Variants in NHS observed in about 807,000 individuals in gnomAD.
The protein encoded by NHS is NHS actin remodeling regulator, also known as actin remodeling regulator NHS.
NHS carries 5 observed loss-of-function variants against 72.5 expected under a neutral mutation model. The observed-to-expected ratio is 0.07, with a 90% CI of 0.04 to 0.14. NHS has a LOEUF of 0.14. Ranked by LOEUF, NHS falls within the 10% of genes least tolerant of loss-of-function variation. NHS has a pLI of 1.00. For missense variants in NHS, 1,072 were observed against 1,355.7 expected (o/e 0.79, Z 3.29); for synonymous variants, 464 against 547.7 (o/e 0.85, Z 2.13).
intron 1 of NHS, among the ~76,000 whole-genome samples, chrX:17,574,682 C>T (rs774249948): frequency 4.5e-5 from 5 of 111,977 alleles, no homozygotes; most frequent in East Asian, 2.8e-4. Flanking sequence ...CATCCTGCTT[C>T]GGCTCACCCT....
intron 1 of NHS, among the ~76,000 whole-genome samples, chrX:17,665,358 T>G (rs1272122114): frequency 1.2e-5 from 1 of 84,347 alleles, no homozygotes; most frequent in African/African-American, 4.7e-5. Flanking sequence ...AGACGGAGTC[T>G]CGCTGTCGCC....
intron 1 of NHS, among the ~76,000 whole-genome samples, chrX:17,424,015 A>T (rs1389645260): frequency 8.9e-6 from 1 of 111,978 alleles, no homozygotes; most frequent in African/African-American, 3.3e-5. Flanking sequence ...ACCTCTGAAG[A>T]TCTTTTTGCT....
chrX:17,640,403 T>C (rs1046078990), intron 1 of NHS, among the ~76,000 whole-genome samples: 2 of 111,723 alleles, frequency 1.8e-5, no homozygotes, highest in African/African-American at 6.5e-5. Context: ...GCTCCTGAAA[T>C]GGCAGAAAGG....
intron 1 of NHS, among the ~76,000 whole-genome samples, chrX:17,443,748 A>G (rs1385506963): frequency 3.6e-5 from 4 of 112,183 alleles, no homozygotes; most frequent in Non-Finnish European, 7.5e-5. Flanking sequence ...TTGAAACCAC[A>G]TTTTTATACG....
At chrX:17,463,295 TA>T (rs1215839930) in intron 1 of NHS, among the ~76,000 whole-genome samples, 1 of 110,354 alleles carries the variant, frequency 9.1e-6, no homozygotes, top group Admixed American at 9.7e-5. Context: ...AAATAGCCCA[TA>T]AAAAGCACCA....
intron 1 of NHS, among the ~76,000 whole-genome samples, chrX:17,505,442 C>T (rs2146926946): frequency 9.0e-6 from 1 of 111,499 alleles, no homozygotes; most frequent in South Asian, 3.8e-4. Flanking sequence ...AACCTTCTTC[C>T]TTCCAACCTG....
chrX:17,411,267 G>A (rs768956639), intron 1 of NHS, among the ~76,000 whole-genome samples: 5 of 111,676 alleles, frequency 4.5e-5, no homozygotes, highest in African/African-American at 1.6e-4. Flanking sequence ...GATTTCTTAC[G>A]TAGCTATAAT....
rs2066406785 is a variant in NHS at position 17,721,599 on chromosome X, G to T, written c.1074G>T (p.Val358=). 8.3e-7 allele frequency: 1 copy of T among 1,209,499 alleles called. No homozygotes were observed. Among genetic ancestry groups the T allele is most frequent in the South Asian group, 1.8e-5 (1 of 56,744 alleles). ...PEEKMKQDAQ[V]ISSCIIPINV... ...AGAAGATGAAACAAGATGCCCAAGT[G>T]ATTTCTTCTTGCATTATTCCCATCA... The change falls in exon 5 of 9, where the codon GTG becomes GTT. Residue 358 remains valine (V), a synonymous_variant. Transcript: ENST00000676302.
intron 1 of NHS, among the ~76,000 whole-genome samples, chrX:17,417,625 A>G (rs1017770000): frequency 9.8e-5 from 11 of 112,251 alleles, no homozygotes; most frequent in Non-Finnish European, 1.5e-4. Flanking sequence ...TAATTTTACT[A>G]ACTTATGGCC....
At chrX:17,447,471 A>G (rs2064786337) in intron 1 of NHS, among the ~76,000 whole-genome samples, 1 of 111,215 alleles carries the variant, frequency 9.0e-6, no homozygotes, top group Admixed American at 9.6e-5. Context: ...GCAGTTTTCT[A>G]ACTGAGGGCG....
intron 1 of NHS, among the ~76,000 whole-genome samples, chrX:17,589,623 C>A (rs1299327559): frequency 1.8e-5 from 2 of 109,326 alleles, no homozygotes; most frequent in Non-Finnish European, 3.8e-5. Flanking sequence ...TTTGCAATTG[C>A]GAATTGTGCT....
At chrX:17,608,725 G>A (rs768156471) in intron 1 of NHS, among the ~76,000 whole-genome samples, 1 of 109,436 alleles carries the variant, frequency 9.1e-6, no homozygotes. Flanking sequence ...AGCCCTTGTC[G>A]CTACAAAGCA....
At chrX:17,644,239 TC>T (rs1479618436) in intron 1 of NHS, among the ~76,000 whole-genome samples, 1 of 111,661 alleles carries the variant, frequency 9.0e-6, no homozygotes, top group Non-Finnish European at 1.9e-5. Flanking sequence ...GGATTCAATA[TC>T]TTTTTCCCCT....
At chrX:17,729,111 T>C (rs2066470313) in intron 8 of NHS, among the ~76,000 whole-genome samples, 1 of 111,609 alleles carries the variant, frequency 9.0e-6, no homozygotes, top group Non-Finnish European at 1.9e-5. Flanking sequence ...CAAACTCTAG[T>C]GTAATCTCTG....
At chrX:17,590,058 CTCTG>C (rs2065595580) in intron 1 of NHS, among the ~76,000 whole-genome samples, 1 of 111,561 alleles carries the variant, frequency 9.0e-6, no homozygotes, top group Non-Finnish European at 1.9e-5. Context: ...AGAAATAACT[CTCTG>C]TGTGTGTGCA....
At chrX:17,464,401 T>C (rs1416688926) in intron 1 of NHS, among the ~76,000 whole-genome samples, 1 of 111,917 alleles carries the variant, frequency 8.9e-6, no homozygotes, top group Non-Finnish European at 1.9e-5. Flanking sequence ...GCTGGCTGGT[T>C]CCTCACTGGG....
chrX:17,477,656 C>T (rs373029197), intron 1 of NHS, among the ~76,000 whole-genome samples: 25 of 112,029 alleles, frequency 2.2e-4, no homozygotes, highest in African/African-American at 7.8e-4. Flanking sequence ...CTTCTAGGAC[C>T]GTCTATTTTA....
At chrX:17,473,757 A>G in intron 1 of NHS, among the ~76,000 whole-genome samples, 1 of 111,889 alleles carries the variant, frequency 8.9e-6, no homozygotes, top group Middle Eastern at 4.6e-3. Flanking sequence ...CATTGATCAC[A>G]TGTTGAAATG....
intron 1 of NHS, among the ~76,000 whole-genome samples, chrX:17,627,258 G>C (rs1054281414): frequency 2.7e-5 from 3 of 112,045 alleles, no homozygotes; most frequent in African/African-American, 9.7e-5. Context: ...GACTTGATTG[G>C]CATCCATCAG....
Sources: allele counts gnomAD v4.1 joint callset (sites outside exome capture counted in the v4.1 genomes callset), GRCh38; gene constraint gnomAD v4.1.1; transcripts MANE v1.5; gene names NCBI Gene and HGNC (gene_info 2026-07-23, HGNC 2026-07-21).